The following NEO1 variants were observed in gnomAD, a reference collection of about 807,000 sequenced individuals.
NEO1 encodes the protein neogenin 1, also known as neogenin.
In NEO1, 63 loss-of-function variants were observed where a neutral mutation model predicts 159.7. The ratio of observed to expected loss-of-function variants is 0.39; its 90% CI spans 0.32 to 0.49. NEO1 has a LOEUF of 0.49. Among genes scored for constraint, NEO1 ranks in the 20% least tolerant of loss-of-function variants. The probability of loss-of-function intolerance (pLI) is 0.85; values close to 1 mark genes in which losing one functional copy is unlikely to be tolerated. For missense variants in NEO1, 1,615 were observed against 1,831.0 expected, an observed-to-expected ratio of 0.88 and a Z score of 2.15; for synonymous variants, 633 against 662.0, an observed-to-expected ratio of 0.96 and a Z score of 0.67.
In NEO1 at chr15:73,190,022, A is replaced by C. The variant is rs79962426; in HGVS notation, c.1291+11595A>C. ...AACAGGATTATTTTTATTTGCTGCC[A>C]TTTCAGATTAACATTGCCTGTCATT... On this transcript the variant is annotated intron_variant, in intron 7 of 28. Transcript: ENST00000261908. Among the ~76,000 whole-genome samples the C allele has an allele frequency of 2.6e-5, 4 of 152,198 alleles. No individual in the cohort carries two copies. The East Asian group carries it at 7.7e-4, about 29-fold the overall frequency.
At chr15:73,140,104 G>A (rs1467589048) in intron 5 of NEO1, among the ~76,000 whole-genome samples, 5 of 152,304 alleles carry the variant, frequency 3.3e-5, no homozygotes, top group African/African-American at 1.2e-4. Context: ...AAACCATAGT[G>A]GGATATCACT....
chr15:73,095,036 C>T (rs2069925545), intron 1 of NEO1, among the ~76,000 whole-genome samples: 1 of 151,996 alleles, frequency 6.6e-6, no homozygotes, highest in African/African-American at 2.4e-5. Context: ...TGGTGAAACC[C>T]CGTCTCTACT....
At chr15:73,206,848 CGTGT>C (rs938536165) in intron 7 of NEO1, among the ~76,000 whole-genome samples, 1 of 136,306 alleles carries the variant, frequency 7.3e-6, no homozygotes, top group Non-Finnish European at 1.6e-5. Context: ...TGTGTGTGTG[CGTGT>C]GTGTGTGTGT....
At chr15:73,242,449 C>T (rs1161508971) in intron 8 of NEO1, among the ~76,000 whole-genome samples, 1 of 152,150 alleles carries the variant, frequency 6.6e-6, no homozygotes, top group Non-Finnish European at 1.5e-5. Context: ...GGGTGGATCG[C>T]CTGAGGCCAG....
At chr15:73,086,216 T>G (rs890918244) in intron 1 of NEO1, among the ~76,000 whole-genome samples, 1 of 152,228 alleles carries the variant, frequency 6.6e-6, no homozygotes, top group Non-Finnish European at 1.5e-5. Context: ...TTAGGACTTA[T>G]GTCAGAAATC....
chr15:73,164,019 A>ATTTTTTTTTTTT (rs57049110), intron 5 of NEO1, among the ~76,000 whole-genome samples: 4 of 123,686 alleles, frequency 3.2e-5, no homozygotes, highest in African/African-American at 1.1e-4. Flanking sequence ...TCTTTTTCTT[A>ATTTTTTTTTTTT]TTTTTTTTTT....
chr15:73,181,884 A>G (rs369586398), intron 7 of NEO1, among the ~76,000 whole-genome samples: 4 of 149,638 alleles, frequency 2.7e-5, no homozygotes, highest in East Asian at 3.9e-4. Context: ...GAAGCCAGAG[A>G]TACTTCCAAG....
chr15:73,226,937 T>C (rs1253304367), intron 7 of NEO1, among the ~76,000 whole-genome samples: 1 of 152,184 alleles, frequency 6.6e-6, no homozygotes, highest in Admixed American at 6.5e-5. Flanking sequence ...CTGTAGTTGG[T>C]GTGAGTGGGC....
intron 13 of NEO1, among the ~76,000 whole-genome samples, chr15:73,256,604 C>T (rs2040363528): frequency 6.6e-6 from 1 of 152,190 alleles, no homozygotes; most frequent in Non-Finnish European, 1.5e-5. Flanking sequence ...AAGCTTCTCA[C>T]TCCTCACCTC....
At chr15:73,185,740 G>T (rs2035882042) in intron 7 of NEO1, among the ~76,000 whole-genome samples, 1 of 152,054 alleles carries the variant, frequency 6.6e-6, no homozygotes, top group Admixed American at 6.6e-5. Context: ...ATATCCTTTG[G>T]TATCTGAATG....
At chr15:73,103,031 A>G (rs921809277) in intron 1 of NEO1, among the ~76,000 whole-genome samples, 2 of 152,130 alleles carry the variant, frequency 1.3e-5, no homozygotes, top group African/African-American at 4.8e-5. Flanking sequence ...GCATTTATTC[A>G]GTCTTAAGAC....
chr15:73,168,825 A>T (rs2034765750), intron 5 of NEO1, among the ~76,000 whole-genome samples: 1 of 152,036 alleles, frequency 6.6e-6, no homozygotes, highest in African/African-American at 2.4e-5. Flanking sequence ...CTGTCAAACA[A>T]AATCCCTGAA....
intron 7 of NEO1, among the ~76,000 whole-genome samples, chr15:73,223,006 A>T (rs1487313149): frequency 6.6e-6 from 1 of 152,152 alleles, no homozygotes; most frequent in African/African-American, 2.4e-5. Context: ...GAAGAATTTT[A>T]AAATTTCCAT....
At chr15:73,189,637 A>G (rs776765049) in intron 7 of NEO1, among the ~76,000 whole-genome samples, 1 of 152,208 alleles carries the variant, frequency 6.6e-6, no homozygotes, top group Non-Finnish European at 1.5e-5. Flanking sequence ...GTGTGTGGCT[A>G]TATATACTGG....
intron 1 of NEO1, among the ~76,000 whole-genome samples, chr15:73,088,394 G>T (rs1043354583): frequency 6.6e-6 from 1 of 151,930 alleles, no homozygotes; most frequent in African/African-American, 2.4e-5. Flanking sequence ...ATCAAGGAGA[G>T]AAATGCAGGA....
intron 5 of NEO1, among the ~76,000 whole-genome samples, chr15:73,143,695 G>T (rs1322978926): frequency 6.6e-6 from 1 of 152,120 alleles, no homozygotes; most frequent in Non-Finnish European, 1.5e-5. Context: ...AATGGAGATG[G>T]AGTCCTCTTT....
intron 7 of NEO1, 196 bp from the exon 8 acceptor site, chr15:73,236,148 CTTT>C: frequency 1.4e-6 from 1 of 720,012 alleles, no homozygotes; most frequent in Non-Finnish European, 2.2e-6. Context: ...GTTTAATGGC[CTTT>C]TTTATGTTCA....
intron 15 of NEO1, among the ~76,000 whole-genome samples, chr15:73,263,183 T>G (rs2151000329): frequency 6.9e-6 from 1 of 145,870 alleles, no homozygotes; most frequent in Non-Finnish European, 1.5e-5. Context: ...TTATACCTCA[T>G]AGTTGACTTT....
At chr15:73,189,445 C>G (rs2036120493) in intron 7 of NEO1, among the ~76,000 whole-genome samples, 1 of 152,246 alleles carries the variant, frequency 6.6e-6, no homozygotes, top group Non-Finnish European at 1.5e-5. Context: ...GAAGGATCCA[C>G]TGTAGTCTGT....
Sources: allele counts gnomAD v4.1 joint callset (sites outside exome capture counted in the v4.1 genomes callset), GRCh38; gene constraint gnomAD v4.1.1; transcripts MANE v1.5; gene names NCBI Gene and HGNC (gene_info 2026-07-23, HGNC 2026-07-21).